SMU1: variants seen among roughly 807,000 people sequenced by gnomAD.
SMU1 encodes SMU1 DNA replication regulator and spliceosomal factor.
Under a neutral mutation model 62.0 loss-of-function variants are expected in SMU1, and 2 were observed. The ratio of observed to expected loss-of-function variants is 0.03; its 90% CI spans 0.01 to 0.10. The LOEUF (loss-of-function observed/expected upper bound fraction) is 0.10. Ranked by LOEUF, SMU1 falls within the 10% of genes least tolerant of loss-of-function variation. SMU1 has a pLI of 1.00. For synonymous variants in SMU1, 188 were observed against 212.4 expected, an observed-to-expected ratio of 0.89 and a Z score of 1.00; for missense variants, 227 against 622.1, an observed-to-expected ratio of 0.36 and a Z score of 6.76.
chr9:33,063,028 T>C (rs1229046361), intron 4 of SMU1, among the ~76,000 whole-genome samples: 1 of 152,228 alleles, frequency 6.6e-6, no homozygotes, highest in Non-Finnish European at 1.5e-5. Flanking sequence ...TATGTCATTT[T>C]GACTCCCAGT....
chr9:33,056,686 T>C (rs1483972184), intron 8 of SMU1, 151 bp downstream of exon 8: 1 of 806,178 alleles, frequency 1.2e-6, no homozygotes, highest in Non-Finnish European at 1.9e-6. Context: ...AGTTGTACTT[T>C]GGGGACATAA....
intron 4 of SMU1, among the ~76,000 whole-genome samples, chr9:33,064,830 C>T (rs1839402174): frequency 6.6e-6 from 1 of 152,000 alleles, no homozygotes; most frequent in African/African-American, 2.4e-5. Context: ...GCAAACTCTG[C>T]CTCCCGGGTT....
intron 3 of SMU1, among the ~76,000 whole-genome samples, chr9:33,070,773 G>A (rs1456399717): frequency 6.6e-6 from 1 of 152,136 alleles, no homozygotes; most frequent in African/African-American, 2.4e-5. Flanking sequence ...AATAAGCCAG[G>A]CACAGAAAGA....
chr9:33,047,288 T>C lies in SMU1; in HGVS notation c.*5A>G. On this transcript the variant is annotated 3_prime_UTR_variant, in exon 12 of 12. Transcript: ENST00000397149. ...TTTCGAGCTGATTTAAAAAGAAAAG[T>C]TGAATTATGGTTTCCAGAGCTTTAG... The C allele has an allele frequency of 6.3e-7, 1 of 1,591,108 alleles. No individual in the cohort carries two copies. Among genetic ancestry groups the C allele is most frequent in the Non-Finnish European group, 8.6e-7 (1 of 1,162,170 alleles).
At chr9:33,051,286 G>A (rs773983262) in intron 10 of SMU1, among the ~76,000 whole-genome samples, 2 of 152,248 alleles carry the variant, frequency 1.3e-5, no homozygotes, top group South Asian at 2.1e-4. Flanking sequence ...GACAGAAAAA[G>A]ATCAGTGGTT....
At position 33,047,123 on chromosome 9, in the gene SMU1, AAAAG is replaced by A. The variant is rs1839194332; in HGVS notation, c.*166_*169del. 3.8e-6 allele frequency: 2 copies of A among 530,250 alleles called. No homozygotes were observed. The highest frequency in any genetic ancestry group is 2.0e-5 in the African/African-American group (1 of 50,830). The allele number at this position is 530,250 out of a possible 1,614,324, so 32.8% of individuals were successfully genotyped here. ...AACTAATACCTTAAAAATATATAAA[AAAAG>A]AAAGGGTAGTTGCTACTTAAACATG... On this transcript the variant is annotated 3_prime_UTR_variant, in exon 12 of 12. Transcript: ENST00000397149.
At chr9:33,074,738 G>C (rs1373822879) in intron 1 of SMU1, among the ~76,000 whole-genome samples, 1 of 151,606 alleles carries the variant, frequency 6.6e-6, no homozygotes, top group Non-Finnish European at 1.5e-5. Flanking sequence ...TGTGGCTCTA[G>C]AGCATGTATT....
At chr9:33,051,836 C>A (rs1451090418) in intron 10 of SMU1, among the ~76,000 whole-genome samples, 1 of 151,924 alleles carries the variant, frequency 6.6e-6, no homozygotes, top group Non-Finnish European at 1.5e-5. Flanking sequence ...AGGTGGATCA[C>A]CTGAGGTCAG....
Position 33,045,307 on chromosome 9 carries a change from T to C in SMU1, c.*1986A>G, listed in dbSNP as rs1839172418. ...CTTTCCACTGGGATGACTGTCTACA[T>C]GCTCAGGAATCCTGAATTCATGACT... On this transcript the variant is annotated 3_prime_UTR_variant, in exon 12 of 12. Coordinates refer to ENST00000397149, the MANE Select transcript of SMU1 (RefSeq NM_018225.3). 1 of 152,258 alleles carries C rather than the reference T, an allele frequency of 6.6e-6. No individual in the cohort carries two copies. Among genetic ancestry groups the C allele is most frequent in the Non-Finnish European group, 1.5e-5 (1 of 68,038 alleles). The allele number at this position is 152,258 out of a possible 1,614,324, so 9.4% of individuals were successfully genotyped here. A position where few individuals can be genotyped will look rare whatever the true frequency, so the allele number is the denominator to read the frequency against.
At chr9:33,061,954 C>A in intron 5 of SMU1, 95 bp downstream of exon 5, 1 of 1,344,014 alleles carries the variant, frequency 7.4e-7, no homozygotes, top group South Asian at 1.3e-5. Flanking sequence ...AGTTCTCCCC[C>A]TCAATTATCC....
At chr9:33,076,521 G>A (rs536791714) in intron 1 of SMU1, 62 bp downstream of exon 1, 2 of 1,600,534 alleles carry the variant, frequency 1.2e-6, no homozygotes, top group South Asian at 2.2e-5. Context: ...AGTACCCTCC[G>A]CCCCACACCC....
At chr9:33,047,711 T>C (rs1839201920) in intron 11 of SMU1, among the ~76,000 whole-genome samples, 1 of 151,944 alleles carries the variant, frequency 6.6e-6, no homozygotes, top group Admixed American at 6.6e-5. Context: ...TACAAAAAAT[T>C]AGCCAGGAGT....
At chr9:33,073,934 C>T in intron 1 of SMU1, 128 bp from the exon 2 acceptor site, 1 of 853,268 alleles carries the variant, frequency 1.2e-6, no homozygotes, top group Admixed American at 2.9e-5. Context: ...TAAAATTTTC[C>T]AAAATCACAG....
intron 4 of SMU1, 131 bp downstream of exon 4, chr9:33,068,693 C>A (rs752936356): frequency 1.6e-5 from 17 of 1,035,324 alleles, no homozygotes; most frequent in East Asian, 2.8e-5. Flanking sequence ...TTTGTAGAGA[C>A]AGAGTCTCAC....
At chr9:33,060,427 T>C (rs1367153208) in intron 6 of SMU1, 38 bp downstream of exon 6, 3 of 1,561,492 alleles carry the variant, frequency 1.9e-6, no homozygotes, top group Non-Finnish European at 1.7e-6. Context: ...GCAGGTAATT[T>C]TTCCACTAGG....
At chr9:33,053,049 TG>T in intron 10 of SMU1, 73 bp downstream of exon 10, 1 of 1,410,686 alleles carries the variant, frequency 7.1e-7, no homozygotes. Flanking sequence ...ATTGGGAGGG[TG>T]GGCCTGGACC....
chr9:33,061,909 G>T, intron 5 of SMU1, 140 bp downstream of exon 5: 1 of 887,842 alleles, frequency 1.1e-6, no homozygotes, highest in Non-Finnish European at 1.7e-6. Flanking sequence ...GTGGACACCT[G>T]CAGCAACCTT....
intron 2 of SMU1, 62 bp from the exon 3 acceptor site, chr9:33,071,954 T>A: frequency 6.9e-7 from 1 of 1,450,426 alleles, no homozygotes; most frequent in Non-Finnish European, 9.1e-7. Flanking sequence ...CTTATTAATA[T>A]TTTTCGGTAA....
At chr9:33,062,397 AG>A (rs1473484033) in intron 4 of SMU1, among the ~76,000 whole-genome samples, 1 of 152,178 alleles carries the variant, frequency 6.6e-6, no homozygotes, top group East Asian at 1.9e-4. Context: ...AGAGCCAACA[AG>A]TCTATCATCC....
Sources: allele counts gnomAD v4.1 joint callset (sites outside exome capture counted in the v4.1 genomes callset), GRCh38; gene constraint gnomAD v4.1.1; transcripts MANE v1.5; gene names NCBI Gene and HGNC (gene_info 2026-07-23, HGNC 2026-07-21).